The following HCRTR2 variants were observed in gnomAD, a reference collection of about 807,000 sequenced individuals.
HCRTR2 encodes hypocretin receptor 2.
In HCRTR2, 22 loss-of-function variants were observed where a neutral mutation model predicts 49.0. That is an observed-to-expected ratio of 0.45 (90% CI 0.32 to 0.64). The LOEUF is 0.64. HCRTR2 is among the 30% of genes least tolerant of loss of function. The pLI is 0.04. For synonymous variants in HCRTR2, 236 were observed against 205.3 expected, an observed-to-expected ratio of 1.15 and a Z score of -1.28; for missense variants, 491 against 559.4, an observed-to-expected ratio of 0.88 and a Z score of 1.23.
chr6:55,157,127 A>T (rs936397091), intron 1 of HCRTR2, among the ~76,000 whole-genome samples: 2 of 152,190 alleles, frequency 1.3e-5, no homozygotes, highest in Admixed American at 1.3e-4. Context: ...ACTCCTAGAG[A>T]TTACATACAC....
intron 1 of HCRTR2, among the ~76,000 whole-genome samples, chr6:55,199,877 C>T (rs1003255553): frequency 2.0e-5 from 3 of 152,152 alleles, no homozygotes; most frequent in African/African-American, 7.2e-5. Context: ...AATCTAAATT[C>T]ATCACAGGTT....
chr6:55,211,816 T>G (rs1562008602), intron 1 of HCRTR2, among the ~76,000 whole-genome samples: 2 of 152,162 alleles, frequency 1.3e-5, no homozygotes, highest in African/African-American at 2.4e-5. Context: ...CTTTCTATTA[T>G]TCCCAAGGTA....
chr6:55,161,068 A>G (rs1486137564), intron 1 of HCRTR2, among the ~76,000 whole-genome samples: 2 of 152,172 alleles, frequency 1.3e-5, no homozygotes, highest in East Asian at 3.9e-4. Context: ...TCTAAAATTG[A>G]CCACATCATT....
intron 1 of HCRTR2, among the ~76,000 whole-genome samples, chr6:55,189,710 T>C (rs1765284378): frequency 1.3e-5 from 2 of 152,138 alleles, no homozygotes; most frequent in South Asian, 4.1e-4. Flanking sequence ...AGGTGATGGG[T>C]TGATAGGTGT....
At chr6:55,158,390 G>A (rs893983454) in intron 1 of HCRTR2, among the ~76,000 whole-genome samples, 1 of 152,186 alleles carries the variant, frequency 6.6e-6, no homozygotes, top group Non-Finnish European at 1.5e-5. Flanking sequence ...CTTTGGGCAG[G>A]CACCGAGCTA....
chr6:55,117,419 TTTTG>T (rs990989283), intron 1 of HCRTR2, among the ~76,000 whole-genome samples: 1 of 151,626 alleles, frequency 6.6e-6, no homozygotes, highest in African/African-American at 2.4e-5. Context: ...CTTTTTTTGT[TTTTG>T]TTTTTTTACT....
chr6:55,173,512 A>G (rs1026578188), upstream of HCRTR2, among the ~76,000 whole-genome samples: 8 of 152,260 alleles, frequency 5.3e-5, no homozygotes, highest in Non-Finnish European at 1.2e-4. Flanking sequence ...ACTTATTATT[A>G]GAGACAAAAC....
At chr6:55,144,629 CG>C in intron 1 of HCRTR2, among the ~76,000 whole-genome samples, 1 of 152,140 alleles carries the variant, frequency 6.6e-6, no homozygotes, top group East Asian at 1.9e-4. Context: ...GTAGAGCGCA[CG>C]TTGGATCCCT....
chr6:55,240,891 T>G (rs1015680045), intron 1 of HCRTR2: 11 of 237,012 alleles, frequency 4.6e-5, no homozygotes, highest in African/African-American at 7.0e-5. Flanking sequence ...AATGTTGTTT[T>G]ATTTCACGTT....
downstream of HCRTR2, among the ~76,000 whole-genome samples, chr6:55,283,304 G>A (rs1022147189): frequency 9.2e-5 from 14 of 152,222 alleles, no homozygotes; most frequent in Admixed American, 2.6e-4. Flanking sequence ...AGTCTAGTGA[G>A]GGAGACATGT....
Position 55,282,254 on chromosome 6 carries a change from T to C in HCRTR2, c.1135T>C (p.Phe379Leu), listed in dbSNP as rs1767205523. The change falls in exon 7 of 7, where the codon TTT becomes CTT. Residue 379 changes from phenylalanine (F) to leucine (L), a missense_variant. Phe to Leu is a conservative substitution (Grantham distance 22, BLOSUM62 0). Transcript: ENST00000370862. ...GKFREEFKAA[F>L]SCCCLGVHHR... is the part of the protein sequence containing the mutation. ...ATTTCGAGAGGAATTTAAAGCTGCG[T>C]TTTCTTGCTGTTGCCTTGGAGTTCA... 6.2e-7 allele frequency: 1 copy of C among 1,613,792 alleles called. No individual in the cohort carries two copies. Among genetic ancestry groups the C allele is most frequent in the African/African-American group, 1.3e-5 (1 of 75,022 alleles).
chr6:55,151,271 T>G (rs1764661528), intron 1 of HCRTR2, among the ~76,000 whole-genome samples: 1 of 152,026 alleles, frequency 6.6e-6, no homozygotes, highest in African/African-American at 2.4e-5. Flanking sequence ...TGCTGACCGA[T>G]ACTATTTTAC....
rs1767204286 is a variant in HCRTR2 at position 55,282,210 on chromosome 6, C to T, written c.1106-15C>T. On this transcript the variant is annotated splice_polypyrimidine_tract_variant and intron_variant, in intron 6 of 6. Coordinates refer to ENST00000370862, the MANE Select transcript of HCRTR2 (RefSeq NM_001384272.1). ...ATGTATAATTCCTTTTCCTTTCATT[C>T]TCTCTGTTTGCCAGGAAAATTTCGA... 1 of 1,580,684 alleles carries T rather than the reference C, an allele frequency of 6.3e-7. No homozygotes were observed. Among genetic ancestry groups the T allele is most frequent in the Admixed American group, 1.7e-5 (1 of 59,534 alleles).
intron 1 of HCRTR2, among the ~76,000 whole-genome samples, chr6:55,187,432 A>C (rs1440499551): frequency 1.4e-4 from 2 of 13,862 alleles, no homozygotes; most frequent in South Asian, 2.7e-3. Context: ...AAAAAAAAAA[A>C]AAAAAAAAAA....
At chr6:55,253,519 A>T (rs1029949479) in intron 2 of HCRTR2, among the ~76,000 whole-genome samples, 1 of 152,170 alleles carries the variant, frequency 6.6e-6, no homozygotes, top group African/African-American at 2.4e-5. Flanking sequence ...ACTGCCTTCA[A>T]TTAAGGCTCA....
chr6:55,225,558 C>T (rs927469077), intron 1 of HCRTR2, among the ~76,000 whole-genome samples: 4 of 152,146 alleles, frequency 2.6e-5, no homozygotes, highest in Admixed American at 1.3e-4. Flanking sequence ...CTGTGCCAGA[C>T]CTGCACAAGG....
intron 2 of HCRTR2, 140 bp from the exon 3 acceptor site, chr6:55,254,996 C>T (rs1045249953): frequency 1.3e-6 from 1 of 754,218 alleles, no homozygotes. Context: ...AAATAGAAAG[C>T]ACTTGCATGG....
chr6:55,128,555 C>T (rs973824383), intron 1 of HCRTR2, among the ~76,000 whole-genome samples: 1 of 152,166 alleles, frequency 6.6e-6, no homozygotes, highest in African/African-American at 2.4e-5. Context: ...TATCCATGCT[C>T]ATGGGAATAT....
chr6:55,137,638 G>T (rs1330211858), intron 1 of HCRTR2, among the ~76,000 whole-genome samples: 1 of 152,084 alleles, frequency 6.6e-6, no homozygotes, highest in African/African-American at 2.4e-5. Context: ...AAATCCAAGA[G>T]ACAGTGTGAT....
Sources: allele counts gnomAD v4.1 joint callset (sites outside exome capture counted in the v4.1 genomes callset), GRCh38; gene constraint gnomAD v4.1.1; transcripts MANE v1.5; gene names NCBI Gene and HGNC (gene_info 2026-07-23, HGNC 2026-07-21).